COL5A1: variants seen among roughly 807,000 people sequenced by gnomAD.
COL5A1 encodes collagen type V alpha 1 chain.
In COL5A1, 16 loss-of-function variants were observed where a neutral mutation model predicts 263.7. The ratio of observed to expected loss-of-function variants is 0.06; its 90% CI spans 0.04 to 0.09. The LOEUF is 0.09. Ranked by LOEUF, COL5A1 falls within the 10% of genes least tolerant of loss-of-function variation. COL5A1 has a pLI of 1.00. For missense variants in COL5A1, 2,036 were observed against 2,540.5 expected (o/e 0.80, Z 4.27); for synonymous variants, 1,012 against 1,004.5 (o/e 1.01, Z -0.14).
At chr9:134,796,803 C>T (rs774772951) in intron 35 of COL5A1, 45 bp from the exon 36 acceptor site, 88 of 1,584,904 alleles carry the variant, frequency 5.6e-5, no homozygotes, top group Non-Finnish European at 7.0e-5. Context: ...AGGAGCTGCT[C>T]GGGAGAGACC....
chr9:134,652,743 G>C lies in COL5A1; in HGVS notation c.109+10447G>C, dbSNP rs1188920950. On this transcript the variant is annotated intron_variant, in intron 1 of 65. Transcript: ENST00000371817. This position sits in a 1 kb window ranked among gnomAD's most constrained non-coding sequence, Gnocchi z 4.4. ...TCTCATGGCTCATTGTCAGACAGGA[G>C]GGAGGGCCTCTTCTTAGGCCGGGTC... 2.1e-6 allele frequency: 1 copy of C among 470,842 alleles called. No individual in the cohort carries two copies. The highest frequency in any genetic ancestry group is 4.4e-6 in the Non-Finnish European group (1 of 226,908). 29.2% of individuals were successfully genotyped at this position (470,842 alleles called of 1,614,324 possible). A position where few individuals can be genotyped will look rare whatever the true frequency, so the allele number is the denominator to read the frequency against.
intron 1 of COL5A1, among the ~76,000 whole-genome samples, chr9:134,660,571 G>A (rs969306117): frequency 1.3e-5 from 2 of 152,196 alleles, no homozygotes; most frequent in South Asian, 4.1e-4. Context: ...TGTCTAGCTA[G>A]AGACCAGTGG....
chr9:134,740,158 G>A (rs956193459), intron 11 of COL5A1, among the ~76,000 whole-genome samples: 2 of 152,174 alleles, frequency 1.3e-5, no homozygotes, highest in Non-Finnish European at 2.9e-5. Flanking sequence ...CAGCATCCCC[G>A]GCCTGGCAGC....
chr9:134,715,008 C>T (rs1834213283), intron 4 of COL5A1, among the ~76,000 whole-genome samples: 1 of 151,954 alleles, frequency 6.6e-6, no homozygotes, highest in African/African-American at 2.4e-5. Context: ...AAGAAAGAGA[C>T]ACAGAGACAA....
intron 59 of COL5A1, among the ~76,000 whole-genome samples, chr9:134,822,724 C>CCCCCG (rs1554807653): frequency 1.7e-4 from 25 of 150,772 alleles, no homozygotes; most frequent in African/African-American, 6.1e-4. Flanking sequence ...CGCTGCGCCC[C>CCCCCG]CCCCGCGGCT....
chr9:134,823,926 G>A (rs1382093343), intron 61 of COL5A1, among the ~76,000 whole-genome samples: 1 of 152,060 alleles, frequency 6.6e-6, no homozygotes, highest in East Asian at 1.9e-4. Flanking sequence ...GTGTGTGCAT[G>A]TGTAGTGTGT....
intron 31 of COL5A1, among the ~76,000 whole-genome samples, chr9:134,787,401 C>G (rs1837501907): frequency 6.6e-6 from 1 of 152,128 alleles, no homozygotes; most frequent in South Asian, 2.1e-4. Flanking sequence ...GAACTCAGTC[C>G]CCTGTGAGAA....
Position 134,826,808 on chromosome 9 carries a change from G to A in COL5A1, c.5067+904G>A, listed in dbSNP as rs555047251. Among the ~76,000 whole-genome samples the A allele has an allele frequency of 3.5e-3, 502 of 144,624 alleles. 1 individual carries two copies. Among genetic ancestry groups the A allele is most frequent in the South Asian group, 0.014 (67 of 4,734 alleles). The allele number at this position is 144,624 out of a possible 152,430, so 94.9% of individuals were successfully genotyped here. A position where few individuals can be genotyped will look rare whatever the true frequency, so the allele number is the denominator to read the frequency against. ...GTTTGGGTACTTGTGGCTGGTGCAG[G>A]TGTGTGGGTGTGTGGCTGGTGTGTG... On this transcript the variant is annotated intron_variant, in intron 63 of 65. Coordinates refer to ENST00000371817, the MANE Select transcript of COL5A1 (RefSeq NM_000093.5).
At chr9:134,785,723 G>A (rs1486199321) in intron 30 of COL5A1, among the ~76,000 whole-genome samples, 1 of 152,198 alleles carries the variant, frequency 6.6e-6, no homozygotes, top group East Asian at 1.9e-4. Context: ...GCCTCTAATC[G>A]CTTTGCTCCA....
intron 42 of COL5A1, among the ~76,000 whole-genome samples, chr9:134,808,543 G>A (rs1389158270): frequency 6.6e-6 from 1 of 152,096 alleles, no homozygotes; most frequent in Admixed American, 6.5e-5. Context: ...GTCCTTGTGT[G>A]TACATGTTGG....
intron 20 of COL5A1, among the ~76,000 whole-genome samples, chr9:134,764,862 G>A (rs1283230012): frequency 6.6e-6 from 1 of 152,150 alleles, no homozygotes; most frequent in Non-Finnish European, 1.5e-5. Flanking sequence ...CTATAACTAG[G>A]TATTAAAATA....
At chr9:134,673,701 A>G (rs1259848646) in intron 1 of COL5A1, among the ~76,000 whole-genome samples, 8 of 152,244 alleles carry the variant, frequency 5.3e-5, no homozygotes, top group Non-Finnish European at 7.3e-5. Context: ...CCATTAAAAG[A>G]TTAAAAAGCT....
At chr9:134,706,342 G>C (rs534257175) in intron 4 of COL5A1, among the ~76,000 whole-genome samples, 26 of 152,122 alleles carry the variant, frequency 1.7e-4, no homozygotes, top group Non-Finnish European at 2.2e-4. Flanking sequence ...GAGGGGCTGG[G>C]CTCCCCCCAG....
chr9:134,763,868 G>A (rs1011144563), intron 20 of COL5A1, 131 bp downstream of exon 20: 17 of 889,128 alleles, frequency 1.9e-5, no homozygotes, highest in East Asian at 2.6e-5. Flanking sequence ...GAGAACAGAC[G>A]GACCTGGGCA....
rs895209706 is a variant in COL5A1 at position 134,841,254 on chromosome 9, G to C, written c.5371-903G>C. Among the ~76,000 whole-genome samples the C allele has an allele frequency of 6.6e-6, 1 of 152,228 alleles. No homozygotes were observed. Among genetic ancestry groups the C allele is most frequent in the African/African-American group, 2.4e-5 (1 of 41,460 alleles). On this transcript the variant is annotated intron_variant, in intron 65 of 65. Coordinates refer to ENST00000371817, the MANE Select transcript of COL5A1 (RefSeq NM_000093.5). The surrounding 1 kb of genome is among the most constrained non-coding windows in gnomAD (Gnocchi z 4.8). ...ATGCGTTTGCAGGCTCCTGGTTTGC[G>C]GGAAAGGTGCGGCCTCCAGGGCCCT...
chr9:134,803,842 CAAAAA>C (rs1293535673), intron 39 of COL5A1, among the ~76,000 whole-genome samples: 1 of 146,216 alleles, frequency 6.8e-6, no homozygotes, highest in Non-Finnish European at 1.5e-5. Context: ...GACTCCATCT[CAAAAA>C]AAAGAAAAAA....
intron 18 of COL5A1, among the ~76,000 whole-genome samples, chr9:134,760,930 T>C (rs996737871): frequency 1.4e-4 from 19 of 131,136 alleles, no homozygotes; most frequent in African/African-American, 5.4e-4. Context: ...CGTACACACA[T>C]GCACACACAT....
intron 41 of COL5A1, among the ~76,000 whole-genome samples, chr9:134,805,940 T>C (rs1838281982): frequency 6.6e-6 from 1 of 151,954 alleles, no homozygotes; most frequent in Non-Finnish European, 1.5e-5. Context: ...AGGGAGCCCA[T>C]TGAAGGCAAG....
chr9:134,810,384 A>G (rs1282596788), intron 44 of COL5A1, 76 bp downstream of exon 44: 11 of 1,403,264 alleles, frequency 7.8e-6, no homozygotes, highest in African/African-American at 2.9e-5. Flanking sequence ...GCCGTGTGCC[A>G]TGCACGTTCT....
Sources: allele counts gnomAD v4.1 joint callset (sites outside exome capture counted in the v4.1 genomes callset), GRCh38; gene constraint gnomAD v4.1.1; non-coding constraint Gnocchi (gnomAD v3.1); transcripts MANE v1.5; gene names NCBI Gene and HGNC (gene_info 2026-07-23, HGNC 2026-07-21).